CCDC171: variants seen among roughly 807,000 people sequenced by gnomAD.
CCDC171 encodes the protein coiled-coil domain containing 171, also known as coiled-coil domain-containing protein 171.
Under a neutral mutation model 168.2 loss-of-function variants are expected in CCDC171, and 177 were observed. The observed-to-expected ratio is 1.05, with a 90% CI of 0.93 to 1.19. The LOEUF (loss-of-function observed/expected upper bound fraction) is 1.19, where lower values mean the gene tolerates loss of function less well. Among genes scored for constraint, CCDC171 ranks in the 50% most tolerant of loss-of-function variants. The probability of loss-of-function intolerance (pLI) is 0.00; values close to 1 mark genes in which losing one functional copy is unlikely to be tolerated. For missense variants in CCDC171, 1,991 were observed against 1,539.0 expected, an observed-to-expected ratio of 1.29 and a Z score of -4.91; for synonymous variants, 687 against 540.8, an observed-to-expected ratio of 1.27 and a Z score of -3.75.
At chr9:16,093,943 A>C in the CCDC171 span, among the ~76,000 whole-genome samples, 1 of 152,176 alleles carries the variant, frequency 6.6e-6, no homozygotes, top group Non-Finnish European at 1.5e-5. Context: ...ATGGCCCCCC[A>C]CTGAGTGCTC....
At chr9:15,615,777 ATT>A (rs35595117) in intron 6 of CCDC171, among the ~76,000 whole-genome samples, 61 of 140,194 alleles carry the variant, frequency 4.4e-4, no homozygotes, top group East Asian at 1.1e-3. Flanking sequence ...ATCACGTGTG[ATT>A]TTTTTTTTTT....
the CCDC171 span, among the ~76,000 whole-genome samples, chr9:16,081,108 A>G: frequency 6.6e-6 from 1 of 152,204 alleles, no homozygotes; most frequent in Non-Finnish European, 1.5e-5. Context: ...CAAAGTTCAG[A>G]CACGCCATCA....
chr9:15,826,368 A>G (rs1279232033), intron 21 of CCDC171, among the ~76,000 whole-genome samples: 1 of 152,090 alleles, frequency 6.6e-6, no homozygotes, highest in Non-Finnish European at 1.5e-5. Flanking sequence ...ATATTTTCCA[A>G]AAATGGCCAC....
intron 6 of CCDC171, among the ~76,000 whole-genome samples, chr9:15,609,383 A>G (rs1164324080): frequency 6.6e-6 from 1 of 152,192 alleles, no homozygotes. Context: ...TGCTGGGATT[A>G]CAGGCGTGAA....
At chr9:15,919,693 T>G (rs755236128) in intron 24 of CCDC171, among the ~76,000 whole-genome samples, 15 of 151,568 alleles carry the variant, frequency 9.9e-5, no homozygotes, top group Non-Finnish European at 1.8e-4. Flanking sequence ...CAGAACTTGC[T>G]TATGTTAATT....
chr9:15,691,478 T>C (rs916681476), intron 10 of CCDC171, among the ~76,000 whole-genome samples: 3 of 146,470 alleles, frequency 2.0e-5, no homozygotes, highest in Non-Finnish European at 4.5e-5. Flanking sequence ...CTGAGCATAA[T>C]ATACTCAAAG....
intron 21 of CCDC171, among the ~76,000 whole-genome samples, chr9:15,840,749 G>A (rs531592601): frequency 1.3e-5 from 2 of 151,790 alleles, no homozygotes; most frequent in South Asian, 4.2e-4. Flanking sequence ...CAGTTGAGAG[G>A]GTTTTTGTGG....
chr9:15,678,875 A>G lies in CCDC171; in HGVS notation c.1194A>G (p.Glu398=), dbSNP rs758524253. Residue 398 remains glutamate, a synonymous_variant, in exon 10 of 26, where the codon GAA becomes GAG. Coordinates refer to ENST00000380701, the MANE Select transcript of CCDC171 (RefSeq NM_173550.4). ...RLQYNEKSCS[E]LQEELVMAKK... Reference sequence around the variant, plus strand: ...AGTATAATGAAAAAAGTTGCAGTGAATTACAGGAAGAACTAGTAATGGTAA... The same window carrying G: ...AGTATAATGAAAAAAGTTGCAGTGAGTTACAGGAAGAACTAGTAATGGTAA... 44 of 1,588,466 alleles carry G rather than the reference A, an allele frequency of 2.8e-5. No homozygotes were observed. In the East Asian group the frequency reaches 8.8e-4, roughly 32 times the overall value.
At chr9:15,939,654 C>G (rs1827500930) in intron 25 of CCDC171, among the ~76,000 whole-genome samples, 1 of 151,832 alleles carries the variant, frequency 6.6e-6, no homozygotes, top group Non-Finnish European at 1.5e-5. Flanking sequence ...GCCTAGAGAA[C>G]AGAATTTTTA....
intron 21 of CCDC171, among the ~76,000 whole-genome samples, chr9:15,838,442 G>T (rs115711974): frequency 0.016 from 2,370 of 152,222 alleles, 73 homozygotes; most frequent in African/African-American, 0.054. Flanking sequence ...ATCAAAGAGG[G>T]CTGCTTCACA....
intron 19 of CCDC171, 33 bp from the exon 20 acceptor site, chr9:15,778,935 A>G: frequency 7.1e-7 from 1 of 1,399,736 alleles, no homozygotes; most frequent in Non-Finnish European, 9.4e-7. Flanking sequence ...ATCTGTAGTT[A>G]CTGTTTATAA....
At chr9:16,038,755 G>C (rs535810425), upstream of CCDC171, among the ~76,000 whole-genome samples, 21 of 148,258 alleles carry the variant, frequency 1.4e-4, no homozygotes, top group Middle Eastern at 3.4e-3. Context: ...AAAACACAGA[G>C]ATTGTTAACT....
At chr9:15,995,539 A>T (rs1378495430) in intron 3 of CCDC171, among the ~76,000 whole-genome samples, 1 of 152,192 alleles carries the variant, frequency 6.6e-6, no homozygotes, top group East Asian at 1.9e-4. Flanking sequence ...TACCCTTGGA[A>T]TCCTTAATTT....
At chr9:15,593,029 C>G (rs1002508509) in intron 5 of CCDC171, among the ~76,000 whole-genome samples, 3 of 152,080 alleles carry the variant, frequency 2.0e-5, no homozygotes, top group South Asian at 4.2e-4. Context: ...CCCACTCCCC[C>G]ACCCCACAAC....
At chr9:16,040,242 C>G (rs1833551174), upstream of CCDC171, among the ~76,000 whole-genome samples, 1 of 152,184 alleles carries the variant, frequency 6.6e-6, no homozygotes, top group Non-Finnish European at 1.5e-5. Flanking sequence ...CCAGTCCTGC[C>G]TCTGTTCCTG....
chr9:15,928,405 A>G (rs1826126501), intron 25 of CCDC171, among the ~76,000 whole-genome samples: 2 of 151,884 alleles, frequency 1.3e-5, no homozygotes, highest in South Asian at 4.1e-4. Flanking sequence ...TGGTTGAAGC[A>G]GAGTGGATTA....
the CCDC171 span, among the ~76,000 whole-genome samples, chr9:16,096,281 G>A: frequency 6.6e-6 from 1 of 152,236 alleles, no homozygotes; most frequent in East Asian, 1.9e-4. Context: ...AGAAAGGAAG[G>A]AAAATGGAAC....
chr9:15,662,125 A>T (rs2048364354), intron 8 of CCDC171, among the ~76,000 whole-genome samples: 1 of 152,012 alleles, frequency 6.6e-6, no homozygotes, highest in African/African-American at 2.4e-5. Context: ...AAAAATACAA[A>T]AGTTACCTGG....
chr9:15,647,301 A>G (rs2047124471), intron 7 of CCDC171, among the ~76,000 whole-genome samples: 1 of 152,238 alleles, frequency 6.6e-6, no homozygotes, highest in Admixed American at 6.5e-5. Flanking sequence ...AGAAAGCAGG[A>G]AAGATCTAAA....
Sources: gnomAD v4.1 joint callset for allele counts (sites outside exome capture counted in the v4.1 genomes callset) on GRCh38, gnomAD v4.1.1 for gene constraint, MANE v1.5 for transcripts, NCBI Gene and HGNC (gene_info 2026-07-23, HGNC 2026-07-21) for gene names.